The following MMP14 variants were observed in gnomAD, a reference collection of about 807,000 sequenced individuals.
MMP14 encodes the protein matrix metallopeptidase 14, also known as matrix metalloproteinase-14.
MMP14 carries 13 observed loss-of-function variants against 64.8 expected under a neutral mutation model. The observed-to-expected ratio is 0.20, with a 90% confidence interval of 0.13 to 0.32. The LOEUF (loss-of-function observed/expected upper bound fraction) is 0.32. MMP14 is among the 10% of genes least tolerant of loss of function. The probability of loss-of-function intolerance (pLI) is 1.00; values close to 1 mark genes in which losing one functional copy is unlikely to be tolerated. For synonymous variants in MMP14, 322 were observed against 315.9 expected (o/e 1.02, Z -0.20); for missense variants, 594 against 783.8 (o/e 0.76, Z 2.89).
chr14:22,837,842 G>A (rs2039746001), intron 1 of MMP14, among the ~76,000 whole-genome samples: 1 of 152,284 alleles, frequency 6.6e-6, no homozygotes, highest in South Asian at 2.1e-4. Context: ...GTCTGAGGAG[G>A]TTTTTCCTCT....
chr14:22,841,807 T>C, intron 2 of MMP14, 106 bp from the exon 3 acceptor site: 4 of 1,557,356 alleles, frequency 2.6e-6, no homozygotes, highest in Admixed American at 1.8e-5. Flanking sequence ...AACCTTGGCC[T>C]TTCCCCACAT....
In MMP14 at chr14:22,845,740, T is replaced by G; in HGVS notation, c.1450T>G (p.Trp484Gly). The change falls in exon 10 of 10, where the codon TGG becomes GGG. Residue 484 changes from tryptophan to glycine, a missense_variant. Trp to Gly is a radical substitution (Grantham distance 184). This residue lies in a region of MMP14 where 364 missense variants were observed against 425.2 expected (regional missense o/e 0.86). Transcript: ENST00000311852. ...FTYFYKGNKYWKFNNQKLKVE... is the reference protein window; with the variant it reads ...FTYFYKGNKYGKFNNQKLKVE... ...TTACTTCTACAAGGGGAACAAATAC[T>G]GGAAATTCAACAACCAGAAGCTGAA... 6.2e-7 allele frequency: 1 copy of G among 1,614,072 alleles called. No individual in the cohort carries two copies. Among genetic ancestry groups the G allele is most frequent in the Non-Finnish European group, 8.5e-7 (1 of 1,180,026 alleles).
At chr14:22,845,186 C>A (rs751325071) in intron 8 of MMP14, 65 bp from the exon 9 acceptor site, 3 of 1,227,498 alleles carry the variant, frequency 2.4e-6, no homozygotes, top group Non-Finnish European at 3.6e-6. Context: ...GGATTCGGTC[C>A]GGGTCTTGCG....
rs963924310 is a variant in MMP14, at chr14:22,846,846, G to T, written c.*807G>T. 4 of 152,634 alleles carry T rather than the reference G, an allele frequency of 2.6e-5. No individual in the cohort carries two copies. Among genetic ancestry groups the T allele is most frequent in the African/African-American group, 9.6e-5 (4 of 41,464 alleles). 9.5% of individuals were successfully genotyped at this position (152,634 alleles called of 1,614,324 possible). A position where few individuals can be genotyped will look rare whatever the true frequency, so the allele number is the denominator to read the frequency against. On this transcript the variant is annotated 3_prime_UTR_variant, in exon 10 of 10. Transcript: ENST00000311852. Reference sequence around the variant, plus strand: ...CTGTCAGGTAGGGTGGGGCCGGTGGGAGAGGCCCGGGTCAGAGCCCTGGGG... The same window carrying T: ...CTGTCAGGTAGGGTGGGGCCGGTGGTAGAGGCCCGGGTCAGAGCCCTGGGG...
At chr14:22,839,877 G>A (rs537182353) in intron 1 of MMP14, among the ~76,000 whole-genome samples, 6 of 151,946 alleles carry the variant, frequency 3.9e-5, no homozygotes, top group Non-Finnish European at 8.8e-5. Context: ...AGCTGGAGCA[G>A]GGACTAGAGC....
rs112461267 is a variant in MMP14 at position 22,843,012 on chromosome 14, C to T, written c.689-245C>T. Among the ~76,000 whole-genome samples, 86 of 152,324 alleles carry T rather than the reference C, an allele frequency of 5.6e-4. No homozygotes were observed. Among genetic ancestry groups the T allele is most frequent in the African/African-American group, 1.9e-3 (79 of 41,574 alleles). ...GGGACTAGAGAGAGCCTTGGCTTCC[C>T]TTACCACAGGTCTTCCCGGGATCGG... On this transcript the variant is annotated intron_variant, in intron 4 of 9. Transcript: ENST00000311852. This position sits in a 1 kb window ranked among gnomAD's most constrained non-coding sequence, Gnocchi z 4.8.
intron 1 of MMP14, chr14:22,837,355 C>A (rs899177694): frequency 2.2e-6 from 1 of 456,990 alleles, no homozygotes; most frequent in Non-Finnish European, 4.4e-6. Flanking sequence ...AGCTCTCCAG[C>A]GCTCTCCCGC....
intron 1 of MMP14, among the ~76,000 whole-genome samples, chr14:22,839,776 T>C (rs892476906): frequency 1.3e-5 from 2 of 151,862 alleles, no homozygotes; most frequent in African/African-American, 4.8e-5. Flanking sequence ...GGCTAGGAGA[T>C]ACAGCACCCA....
rs868696601 is a variant in MMP14, at chr14:22,842,605, C to T, written c.576C>T (p.Phe192=). 1.1e-5 allele frequency: 17 copies of T among 1,614,218 alleles called. No individual in the cohort carries two copies. Among genetic ancestry groups the T allele is most frequent in the South Asian group, 2.2e-5 (2 of 91,088 alleles). The change falls in exon 4 of 10, where the codon TTC becomes TTT. Residue 192 remains phenylalanine (F), a synonymous_variant. Coordinates refer to ENST00000311852, the MANE Select transcript of MMP14 (RefSeq NM_004995.4). This position sits in a 1 kb window ranked among gnomAD's most constrained non-coding sequence, Gnocchi z 5.3. ...GCTTCCATGGCGACAGCACGCCCTT[C>T]GATGGTGAGGGCGGCTTCCTGGCCC... ...AEGFHGDSTP[F]DGEGGFLAHA...
intron 2 of MMP14, 136 bp downstream of exon 2, chr14:22,841,775 C>G: frequency 6.5e-7 from 1 of 1,548,844 alleles, no homozygotes; most frequent in Non-Finnish European, 8.8e-7. Context: ...TCCTGACCCT[C>G]TCATATTCAC....
In MMP14 at chr14:22,845,154, C is replaced by T. The variant is rs17879328; in HGVS notation, c.1302-97C>T. 7.7e-3 allele frequency: 6,756 copies of T among 875,220 alleles called. 59 individuals are homozygous for T. Among genetic ancestry groups the T allele is most frequent in the Admixed American group, 0.02 (942 of 48,122 alleles). 54.2% of individuals were successfully genotyped at this position (875,220 alleles called of 1,614,324 possible). A position where few individuals can be genotyped will look rare whatever the true frequency, so the allele number is the denominator to read the frequency against. On this transcript the variant is annotated intron_variant, in intron 8 of 9. Transcript: ENST00000311852. ...AAAACCCCTGTCCCCACCCTGTCCA[C>T]AGCTATCCTTTGCCCACTGGTGGAT... is the stretch of plus-strand genomic sequence containing the variant.
intron 1 of MMP14, among the ~76,000 whole-genome samples, chr14:22,840,061 A>G (rs1595013475): frequency 7.4e-6 from 1 of 134,618 alleles, no homozygotes; most frequent in South Asian, 2.3e-4. Flanking sequence ...TTGGCCTCCC[A>G]GGTTCAGCAA....
intron 1 of MMP14, among the ~76,000 whole-genome samples, chr14:22,839,334 C>T (rs1427596490): frequency 6.6e-6 from 1 of 152,256 alleles, no homozygotes; most frequent in Non-Finnish European, 1.5e-5. Flanking sequence ...CAGGCCACAG[C>T]AGGCCTCCCC....
intron 1 of MMP14, among the ~76,000 whole-genome samples, chr14:22,837,593 C>G (rs1490342725): frequency 6.6e-6 from 1 of 152,128 alleles, no homozygotes; most frequent in Non-Finnish European, 1.5e-5. Flanking sequence ...CCTTGTGAGC[C>G]GGGCGATCGG....
intron 1 of MMP14, among the ~76,000 whole-genome samples, chr14:22,838,554 G>C (rs1019615897): frequency 6.6e-6 from 1 of 152,190 alleles, no homozygotes; most frequent in African/African-American, 2.4e-5. Flanking sequence ...TCTCCTAGGG[G>C]ATACCTTGCA....
chr14:22,844,179 A>G (rs1468684041), intron 6 of MMP14, among the ~76,000 whole-genome samples, 192 bp from the exon 7 acceptor site: 8 of 145,556 alleles, frequency 5.5e-5, no homozygotes, highest in African/African-American at 2.0e-4. Context: ...CCTGGACAAC[A>G]GTGTGAGACT....
At position 22,843,853 on chromosome 14, in the gene MMP14, G is replaced by C; in HGVS notation, c.994G>C (p.Glu332Gln). The change falls in exon 6 of 10, where the codon GAG becomes CAG. Residue 332 changes from glutamate (E) to glutamine (Q), a missense_variant. Physicochemically the swap from Glu to Gln is conservative, Grantham distance 29 (BLOSUM62 2). Around this residue, in one of 4 missense-constraint regions of MMP14, gnomAD observed 364 missense variants for 425.2 expected, o/e 0.86. Coordinates refer to ENST00000311852, the MANE Select transcript of MMP14 (RefSeq NM_004995.4). This position sits in a 1 kb window ranked among gnomAD's most constrained non-coding sequence, Gnocchi z 4.8. Reference sequence around the variant, plus strand: ...TGACACCGTGGCCATGCTCCGAGGGGAGATGTTTGTCTTCAAGGTGAGAAG... The same window carrying C: ...TGACACCGTGGCCATGCTCCGAGGGCAGATGTTTGTCTTCAAGGTGAGAAG... ...NFDTVAMLRG[E>Q]MFVFKERWFW... The C allele has an allele frequency of 6.2e-7, 1 of 1,611,734 alleles. No individual in the cohort carries two copies. Among genetic ancestry groups the C allele is most frequent in the Non-Finnish European group, 8.5e-7 (1 of 1,179,486 alleles).
At chr14:22,845,445 G>A in intron 9 of MMP14, 79 bp downstream of exon 9, 1 of 1,111,166 alleles carries the variant, frequency 9.0e-7, no homozygotes, top group Non-Finnish European at 1.3e-6. Context: ...GAAGCCTGAG[G>A]GAGTGCTGTG....
rs1426817813 is a variant in MMP14, at chr14:22,845,760, G to A, written c.1470G>A (p.Lys490=). 1 of 1,614,056 alleles carries A rather than the reference G, an allele frequency of 6.2e-7. No homozygotes were observed. Among genetic ancestry groups the A allele is most frequent in the East Asian group, 2.2e-5 (1 of 44,898 alleles). The part of the protein sequence containing the change: ...GNKYWKFNNQ[K]LKVEPGYPKS... ...AATACTGGAAATTCAACAACCAGAAGCTGAAGGTAGAACCGGGCTACCCCA... is the reference window on the plus strand; with the variant it reads ...AATACTGGAAATTCAACAACCAGAAACTGAAGGTAGAACCGGGCTACCCCA... The change falls in exon 10 of 10, where the codon AAG becomes AAA. Residue 490 remains lysine, a synonymous_variant. Coordinates refer to ENST00000311852, the MANE Select transcript of MMP14 (RefSeq NM_004995.4).
Sources: allele counts gnomAD v4.1 joint callset (sites outside exome capture counted in the v4.1 genomes callset), GRCh38; gene constraint gnomAD v4.1.1; regional missense constraint gnomAD v4.1.1; non-coding constraint Gnocchi (gnomAD v3.1); transcripts MANE v1.5; gene names NCBI Gene and HGNC (gene_info 2026-07-23, HGNC 2026-07-21).